The following TTC23 variants were observed in gnomAD, a reference collection of about 807,000 sequenced individuals.
TTC23 encodes tetratricopeptide repeat domain 23.
A neutral mutation model predicts 55.1 loss-of-function variants in TTC23; 58 were observed. The ratio of observed to expected loss-of-function variants is 1.05; its 90% confidence interval spans 0.85 to 1.31. TTC23 has a LOEUF of 1.31. Ranked by LOEUF, TTC23 falls within the 50% of genes most tolerant of loss-of-function variation. The probability of loss-of-function intolerance (pLI) is 0.00; values close to 1 mark genes in which losing one functional copy is unlikely to be tolerated. For missense variants in TTC23, 516 were observed against 534.4 expected, an observed-to-expected ratio of 0.97 and a Z score of 0.34; for synonymous variants, 203 against 199.9, an observed-to-expected ratio of 1.02 and a Z score of -0.13.
At chr15:99,175,528 G>C (rs375822304) in intron 9 of TTC23, among the ~76,000 whole-genome samples, 1 of 152,192 alleles carries the variant, frequency 6.6e-6, no homozygotes, top group Admixed American at 6.5e-5. Context: ...CTGCCTACCC[G>C]CCAGCCCCAA....
Position 99,200,111 on chromosome 15 carries a change from G to A in TTC23, c.582-15C>T. Reference sequence around the variant, plus strand: ...CTTGATACACCCTAAAAAAATCAAAGGAATTATTTTATTTAATAATTAAAA... The same window carrying A: ...CTTGATACACCCTAAAAAAATCAAAAGAATTATTTTATTTAATAATTAAAA... On this transcript the variant is annotated splice_polypyrimidine_tract_variant and intron_variant, in intron 8 of 13. Coordinates refer to ENST00000394132, the MANE Select transcript of TTC23 (RefSeq NM_001288615.3). 1 of 1,552,310 alleles carries A rather than the reference G, an allele frequency of 6.4e-7. No homozygotes were observed.
chr15:99,250,356 T>C (rs1290148443), upstream of TTC23, among the ~76,000 whole-genome samples: 2 of 152,250 alleles, frequency 1.3e-5, no homozygotes, highest in African/African-American at 4.8e-5. Context: ...ATGTTTTTTA[T>C]TTAATATAAC....
chr15:99,196,229 A>G (rs867295640), intron 9 of TTC23, among the ~76,000 whole-genome samples: 1 of 152,166 alleles, frequency 6.6e-6, no homozygotes, highest in Non-Finnish European at 1.5e-5. Flanking sequence ...ATTCTGTAAA[A>G]TGAGAGTAAA....
intron 8 of TTC23, among the ~76,000 whole-genome samples, chr15:99,218,313 G>A (rs1430465566): frequency 6.6e-6 from 1 of 152,174 alleles, no homozygotes; most frequent in African/African-American, 2.4e-5. Flanking sequence ...TAGGGGCTGG[G>A]GGTGAGGAGG....
chr15:99,205,161 C>G lies in TTC23; in HGVS notation c.582-5065G>C, dbSNP rs113604475. On this transcript the variant is annotated intron_variant, in intron 8 of 13. Transcript: ENST00000394132. ...TATTCTGTTCCATTGGTCTATGTGT[C>G]TATTTTTATGCCAGTATCATGCTGT... Among the ~76,000 whole-genome samples the G allele has an allele frequency of 1.5e-3, 228 of 152,164 alleles. 3 individuals carry two copies. The highest frequency in any genetic ancestry group is 5.1e-3 in the African/African-American group (212 of 41,522).
chr15:99,160,208 G>A (rs138771439), intron 11 of TTC23: 191 of 151,812 alleles, frequency 1.3e-3, no homozygotes, highest in African/African-American at 4.4e-3. Flanking sequence ...GTGTTCCCTA[G>A]CTGACAGAAG....
At chr15:99,197,158 A>G (rs1339050138) in intron 9 of TTC23, among the ~76,000 whole-genome samples, 1 of 150,454 alleles carries the variant, frequency 6.6e-6, no homozygotes, top group South Asian at 2.1e-4. Context: ...GCTGGAATGC[A>G]GTGGCGCGAT....
At position 99,221,810 on chromosome 15, in the gene TTC23, A is replaced by T; in HGVS notation, c.235T>A (p.Tyr79Asn). Reference sequence around the variant, plus strand: ...GCTAGTTTCCAATGTGAGTCTCCATAGCAAATTCTTGTCAGTGCTACGCAA... The same window carrying T: ...GCTAGTTTCCAATGTGAGTCTCCATTGCAAATTCTTGTCAGTGCTACGCAA... ...VRCVALTRIC[Y>N]GDSHWKLAEA... The change falls in exon 6 of 14, where the codon TAT (tyrosine) becomes AAT (asparagine). Residue 79 changes from tyrosine (Y) to asparagine (N), a missense_variant. Transcript: ENST00000394132. 6.2e-7 allele frequency: 1 copy of T among 1,614,212 alleles called. No individual in the cohort carries two copies. The highest frequency in any genetic ancestry group is 2.2e-5 in the East Asian group (1 of 44,880).
At chr15:99,197,821 G>C (rs958590194) in intron 9 of TTC23, among the ~76,000 whole-genome samples, 3 of 151,762 alleles carry the variant, frequency 2.0e-5, no homozygotes, top group Non-Finnish European at 4.4e-5. Context: ...CAAGAGAATT[G>C]CTTGAACCCA....
At chr15:99,244,592 T>A (rs1257643434) in intron 2 of TTC23, among the ~76,000 whole-genome samples, 2 of 152,028 alleles carry the variant, frequency 1.3e-5, no homozygotes, top group Non-Finnish European at 1.5e-5. Flanking sequence ...ACAAAAGAAA[T>A]ACAAGACTTG....
intron 11 of TTC23, chr15:99,157,957 T>A (rs757702983): frequency 6.6e-6 from 1 of 152,314 alleles, no homozygotes; most frequent in Non-Finnish European, 1.5e-5. Flanking sequence ...AGCTTCCTCA[T>A]GACACAGCCC....
intron 9 of TTC23, among the ~76,000 whole-genome samples, chr15:99,190,406 G>A (rs879601408): frequency 3.8e-4 from 57 of 151,702 alleles, no homozygotes; most frequent in Non-Finnish European, 6.2e-4. Context: ...CCAAGTAGCT[G>A]GAATTACAGG....
chr15:99,235,379 T>G (rs1451761884), intron 3 of TTC23, among the ~76,000 whole-genome samples: 1 of 151,394 alleles, frequency 6.6e-6, no homozygotes, highest in African/African-American at 2.4e-5. Context: ...TTTTGGTTTG[T>G]TTTTGTTTTT....
At chr15:99,231,272 T>C (rs912791412) in intron 4 of TTC23, among the ~76,000 whole-genome samples, 5 of 152,252 alleles carry the variant, frequency 3.3e-5, no homozygotes, top group Admixed American at 6.5e-5. Flanking sequence ...GGGTACTCCT[T>C]CTACTTATAC....
intron 9 of TTC23, among the ~76,000 whole-genome samples, chr15:99,181,510 C>T (rs1164963482): frequency 6.6e-6 from 1 of 152,190 alleles, no homozygotes; most frequent in Non-Finnish European, 1.5e-5. Flanking sequence ...AAGTTCAAGT[C>T]CACTTGTCAT....
intron 9 of TTC23, among the ~76,000 whole-genome samples, chr15:99,196,365 G>C (rs961224975): frequency 1.3e-5 from 2 of 152,140 alleles, no homozygotes; most frequent in African/African-American, 4.8e-5. Context: ...GAATCCATAT[G>C]AACTTCCTCC....
chr15:99,229,142 C>CATAT (rs74654479), intron 4 of TTC23, among the ~76,000 whole-genome samples: 19,941 of 145,040 alleles, frequency 0.14, 1,315 homozygotes, highest in Non-Finnish European at 0.15. Context: ...TTTGCATGTA[C>CATAT]ATATATATAT....
At chr15:99,192,225 T>C (rs1327776227) in intron 9 of TTC23, among the ~76,000 whole-genome samples, 2 of 152,218 alleles carry the variant, frequency 1.3e-5, no homozygotes, top group East Asian at 3.9e-4. Context: ...TCCCATTTTC[T>C]GAGGAGAAAT....
intron 8 of TTC23, among the ~76,000 whole-genome samples, chr15:99,203,685 ATTTTTCTTT>A (rs2076376008): frequency 6.7e-6 from 1 of 149,354 alleles, no homozygotes; most frequent in Admixed American, 6.7e-5. Context: ...CATGAGTTCA[ATTTTTCTTT>A]TTTTTCTTTC....
Sources: gnomAD v4.1 joint callset for allele counts (sites outside exome capture counted in the v4.1 genomes callset) on GRCh38, gnomAD v4.1.1 for gene constraint, MANE v1.5 for transcripts, NCBI Gene and HGNC (gene_info 2026-07-23, HGNC 2026-07-21) for gene names.